Variants in IGSF11 observed in about 807,000 individuals in gnomAD.
IGSF11 encodes CXADR like 1.
A neutral mutation model predicts 41.0 loss-of-function variants in IGSF11; 22 were observed. The ratio of observed to expected loss-of-function variants is 0.54; its 90% CI spans 0.38 to 0.77. The LOEUF (loss-of-function observed/expected upper bound fraction) is 0.77. Ranked by LOEUF, IGSF11 falls within the 30% of genes least tolerant of loss-of-function variation. The pLI is 0.00. For missense variants in IGSF11, 444 were observed against 530.8 expected (o/e 0.84, Z 1.61); for synonymous variants, 219 against 201.3 (o/e 1.09, Z -0.74).
chr3:119,044,672 T>G (rs1325590320), intron 1 of IGSF11, among the ~76,000 whole-genome samples: 1 of 152,194 alleles, frequency 6.6e-6, no homozygotes, highest in Non-Finnish European at 1.5e-5. Context: ...AACCATCTGG[T>G]AACCTGTCAT....
At chr3:119,099,404 G>A (rs1020609402) in intron 1 of IGSF11, among the ~76,000 whole-genome samples, 2 of 152,194 alleles carry the variant, frequency 1.3e-5, no homozygotes, top group South Asian at 4.1e-4. Flanking sequence ...AAAGCAAACT[G>A]TGAGAACATA....
intron 1 of IGSF11, among the ~76,000 whole-genome samples, chr3:118,965,182 A>C (rs1945585441): frequency 6.6e-6 from 1 of 152,188 alleles, no homozygotes. Context: ...TTTAGCATAT[A>C]ATTTTAGAAA....
chr3:118,913,991 C>A (rs1940695217), intron 4 of IGSF11, among the ~76,000 whole-genome samples: 1 of 151,898 alleles, frequency 6.6e-6, no homozygotes. Flanking sequence ...GAAATATTCA[C>A]AAGGATTAGG....
chr3:119,101,959 C>T (rs1440958813), intron 1 of IGSF11, among the ~76,000 whole-genome samples: 1 of 152,032 alleles, frequency 6.6e-6, no homozygotes, highest in African/African-American at 2.4e-5. Context: ...CTTTCAATTA[C>T]TTCATCTATA....
At chr3:119,006,658 CTGTT>C (rs967373898) in intron 1 of IGSF11, among the ~76,000 whole-genome samples, 4 of 133,776 alleles carry the variant, frequency 3.0e-5, no homozygotes, top group Non-Finnish European at 6.3e-5. Flanking sequence ...GATGTCCTTT[CTGTT>C]TGTTAGTTTT....
At chr3:119,054,808 A>C (rs1941759537) in intron 1 of IGSF11, among the ~76,000 whole-genome samples, 1 of 152,216 alleles carries the variant, frequency 6.6e-6, no homozygotes, top group Non-Finnish European at 1.5e-5. Flanking sequence ...TGAGTGGATA[A>C]AGAAAATGTG....
At chr3:119,114,561 G>A (rs553478851) in intron 1 of IGSF11, among the ~76,000 whole-genome samples, 13 of 152,246 alleles carry the variant, frequency 8.5e-5, no homozygotes, top group African/African-American at 2.4e-4. Context: ...TAAGTTCCTC[G>A]TTTCCTTCTG....
At chr3:118,926,046 A>C in intron 4 of IGSF11, 55 bp downstream of exon 4, 2 of 1,266,488 alleles carry the variant, frequency 1.6e-6, no homozygotes, top group Non-Finnish European at 2.1e-6. Flanking sequence ...TACTTTTTGA[A>C]TATTAGAATT....
chr3:119,142,188 T>C (rs1205106740), intron 1 of IGSF11, among the ~76,000 whole-genome samples: 3 of 144,266 alleles, frequency 2.1e-5, no homozygotes, highest in Non-Finnish European at 3.0e-5. Context: ...AGCAGGAGAA[T>C]GGCGTGAACC....
intron 1 of IGSF11, among the ~76,000 whole-genome samples, chr3:119,018,874 ACTGAAG>A (rs1939010547): frequency 6.6e-6 from 1 of 152,216 alleles, no homozygotes; most frequent in Admixed American, 6.5e-5. Context: ...CAGAGCTGGC[ACTGAAG>A]GCTGGATGAC....
chr3:118,941,257 A>T (rs893924904), intron 1 of IGSF11, among the ~76,000 whole-genome samples: 1 of 152,180 alleles, frequency 6.6e-6, no homozygotes. Flanking sequence ...TATTTATAAT[A>T]TCTAAAAACT....
intron 1 of IGSF11, among the ~76,000 whole-genome samples, chr3:118,952,450 T>C (rs1944644095): frequency 6.6e-6 from 1 of 152,182 alleles, no homozygotes; most frequent in Non-Finnish European, 1.5e-5. Flanking sequence ...GATATGATAT[T>C]CTAAATCCTT....
At chr3:119,042,064 A>G (rs539853867) in intron 1 of IGSF11, among the ~76,000 whole-genome samples, 15 of 152,386 alleles carry the variant, frequency 9.8e-5, no homozygotes, top group African/African-American at 3.6e-4. Flanking sequence ...GAGATAATGC[A>G]TCACACCAAT....
rs1016362086 is a variant in IGSF11, at chr3:118,919,014, T to G, written c.580+7087A>C. On this transcript the variant is annotated intron_variant, in intron 4 of 6. Coordinates refer to ENST00000393775, the MANE Select transcript of IGSF11 (RefSeq NM_001015887.3). Reference sequence around the variant, plus strand: ...AGAAAAACAAGCAATGGGGAAAGGATTCCCTATTTAATAAATGGGGCTGGG... The same window carrying G: ...AGAAAAACAAGCAATGGGGAAAGGAGTCCCTATTTAATAAATGGGGCTGGG... Among the ~76,000 whole-genome samples, 6 of 126,700 alleles carry G rather than the reference T, an allele frequency of 4.7e-5. 1 individual carries two copies. Among genetic ancestry groups the G allele is most frequent in the African/African-American group, 8.5e-5 (2 of 23,572 alleles). 83.1% of individuals were successfully genotyped at this position (126,700 alleles called of 152,430 possible).
chr3:119,121,257 T>C (rs1445586856), intron 1 of IGSF11, among the ~76,000 whole-genome samples: 1 of 152,110 alleles, frequency 6.6e-6, no homozygotes, highest in Non-Finnish European at 1.5e-5. Flanking sequence ...AAAAAGATGT[T>C]AAATTAGCTA....
chr3:119,079,091 C>T (rs943848756), intron 1 of IGSF11, among the ~76,000 whole-genome samples: 26 of 152,122 alleles, frequency 1.7e-4, no homozygotes, highest in African/African-American at 5.8e-4. Context: ...GGCATGGTAG[C>T]TCATGCCTGT....
intron 1 of IGSF11, among the ~76,000 whole-genome samples, chr3:119,074,926 T>C (rs1437994089): frequency 1.3e-5 from 2 of 151,826 alleles, no homozygotes; most frequent in Admixed American, 6.6e-5. Context: ...CTAGAGGAAC[T>C]AGAAAAACAA....
At chr3:119,051,150 A>C (rs1257135000) in intron 1 of IGSF11, among the ~76,000 whole-genome samples, 3 of 150,866 alleles carry the variant, frequency 2.0e-5, no homozygotes, top group Non-Finnish European at 3.0e-5. Flanking sequence ...GTATAATAAT[A>C]ATTAATAAAT....
intron 4 of IGSF11, among the ~76,000 whole-genome samples, chr3:118,919,275 A>C (rs932956279): frequency 2.8e-5 from 4 of 141,248 alleles, no homozygotes; most frequent in Non-Finnish European, 4.5e-5. Context: ...TAATTAAACT[A>C]AAGAGTTTCT....
Sources: gnomAD v4.1 joint callset for allele counts (sites outside exome capture counted in the v4.1 genomes callset) on GRCh38, gnomAD v4.1.1 for gene constraint, MANE v1.5 for transcripts, NCBI Gene and HGNC (gene_info 2026-07-23, HGNC 2026-07-21) for gene names.